The following PDLIM5 variants were observed in gnomAD, a reference collection of about 807,000 sequenced individuals.
PDLIM5 encodes PDZ and LIM domain protein 5.
A neutral mutation model predicts 64.2 loss-of-function variants in PDLIM5; 34 were observed. The ratio of observed to expected loss-of-function variants is 0.53; its 90% CI spans 0.40 to 0.71. The LOEUF is 0.71. Ranked by LOEUF, PDLIM5 falls within the 30% of genes least tolerant of loss-of-function variation. The pLI is 0.00. For missense variants in PDLIM5, 683 were observed against 733.6 expected, an observed-to-expected ratio of 0.93 and a Z score of 0.80; for synonymous variants, 253 against 269.1, an observed-to-expected ratio of 0.94 and a Z score of 0.59.
At chr4:94,598,165 A>G (rs899586949) in intron 7 of PDLIM5, among the ~76,000 whole-genome samples, 30 of 152,194 alleles carry the variant, frequency 2.0e-4, no homozygotes, top group African/African-American at 7.0e-4. Context: ...TGTGAGTACC[A>G]TGAAGCAGGG....
Position 94,585,071 on chromosome 4 carries a change from C to G in PDLIM5, c.711-494C>G, listed in dbSNP as rs907028245. ...TTAACATTATAAGTGCAGTTTTTTA[C>G]TTATAATTTAAAAGGTTTTTTTGTT... On this transcript the variant is annotated intron_variant, in intron 5 of 12. Coordinates refer to ENST00000317968, the MANE Select transcript of PDLIM5 (RefSeq NM_006457.5). 7 of 801,710 alleles carry G rather than the reference C, an allele frequency of 8.7e-6. No homozygotes were observed. The African/African-American group carries it at 1.1e-4, about 12-fold the overall frequency. The allele number at this position is 801,710 out of a possible 1,614,324, so 49.7% of individuals were successfully genotyped here.
At chr4:94,470,580 T>A in intron 2 of PDLIM5, among the ~76,000 whole-genome samples, 1 of 152,222 alleles carries the variant, frequency 6.6e-6, no homozygotes, top group East Asian at 1.9e-4. Context: ...TATGACCCTT[T>A]TATTATTTCT....
At chr4:94,469,893 A>T (rs1301935119) in intron 2 of PDLIM5, among the ~76,000 whole-genome samples, 5 of 151,982 alleles carry the variant, frequency 3.3e-5, no homozygotes, top group African/African-American at 4.8e-5. Context: ...TTATAGTTCT[A>T]ACACATACAT....
intron 8 of PDLIM5, among the ~76,000 whole-genome samples, chr4:94,635,193 G>A (rs1222203286): frequency 1.3e-5 from 2 of 152,058 alleles, no homozygotes; most frequent in African/African-American, 2.4e-5. Context: ...TTCTGGTGGT[G>A]AAATGTATTT....
intron 3 of PDLIM5, among the ~76,000 whole-genome samples, chr4:94,534,790 T>G (rs1731177380): frequency 6.6e-6 from 1 of 152,146 alleles, no homozygotes; most frequent in Non-Finnish European, 1.5e-5. Context: ...GGCAACAAAA[T>G]GGGTGTGACT....
At chr4:94,619,508 C>T (rs1560745208) in intron 8 of PDLIM5, among the ~76,000 whole-genome samples, 1 of 152,006 alleles carries the variant, frequency 6.6e-6, no homozygotes, top group Admixed American at 6.5e-5. Flanking sequence ...GGCATGGTGG[C>T]GGGCGCCTGT....
In PDLIM5 at chr4:94,523,788, A is replaced by G. The variant is rs940867523; in HGVS notation, c.161A>G (p.Asp54Gly). 5.0e-6 allele frequency: 8 copies of G among 1,612,548 alleles called. No individual in the cohort carries two copies. Among genetic ancestry groups the G allele is most frequent in the Non-Finnish European group, 6.8e-6 (8 of 1,178,560 alleles). The change falls in exon 3 of 13, where the codon GAT (aspartate) becomes GGT (glycine). Residue 54 changes from aspartate to glycine, a missense_variant. Asp to Gly is a moderately conservative substitution (Grantham distance 94). Transcript: ENST00000317968. Reference sequence around the variant, plus strand: ...ATAGGCGATGTGGTTCTCAGCATTGATGGAATAAATGCACAAGGAATGACT... The same window carrying G: ...ATAGGCGATGTGGTTCTCAGCATTGGTGGAATAAATGCACAAGGAATGACT... ...VRIGDVVLSI[D>G]GINAQGMTHL...
intron 10 of PDLIM5, among the ~76,000 whole-genome samples, chr4:94,655,468 G>A (rs1742139798): frequency 6.6e-6 from 1 of 152,170 alleles, no homozygotes; most frequent in South Asian, 2.1e-4. Flanking sequence ...TGTTAATTGA[G>A]AGAATAGGTA....
At chr4:94,648,660 G>T (rs7662768) in intron 9 of PDLIM5, among the ~76,000 whole-genome samples, 149,840 of 152,320 alleles carry the variant, frequency 0.98, 73,729 homozygotes, top group East Asian at 1. Context: ...GCTCAGAATC[G>T]CACCAGGCTG....
chr4:94,531,888 A>G (rs985246554), intron 3 of PDLIM5, among the ~76,000 whole-genome samples: 1 of 151,778 alleles, frequency 6.6e-6, no homozygotes, highest in East Asian at 1.9e-4. Context: ...TACCTAAATT[A>G]TTTTCTGTGT....
At chr4:94,563,387 TATGA>T (rs1734007941) in intron 3 of PDLIM5, among the ~76,000 whole-genome samples, 1 of 152,218 alleles carries the variant, frequency 6.6e-6, no homozygotes, top group Non-Finnish European at 1.5e-5. Context: ...CCTTGATTCT[TATGA>T]ATAACTCCAG....
At chr4:94,504,600 A>T (rs1391561563) in intron 2 of PDLIM5, among the ~76,000 whole-genome samples, 1 of 152,016 alleles carries the variant, frequency 6.6e-6, no homozygotes, top group East Asian at 1.9e-4. Context: ...CGCTATTTTC[A>T]TGGAGAAAGA....
intron 3 of PDLIM5, among the ~76,000 whole-genome samples, chr4:94,531,941 G>A (rs919507110): frequency 6.6e-6 from 1 of 151,968 alleles, no homozygotes; most frequent in East Asian, 1.9e-4. Flanking sequence ...GGAAAAAGGG[G>A]GGGAAAGCTT....
intron 7 of PDLIM5, among the ~76,000 whole-genome samples, chr4:94,609,575 A>G (rs1390886972): frequency 6.6e-6 from 1 of 152,170 alleles, no homozygotes; most frequent in Non-Finnish European, 1.5e-5. Context: ...TTATTTTCGC[A>G]AAGGTACTTT....
chr4:94,507,926 T>C (rs1728531532), intron 2 of PDLIM5, among the ~76,000 whole-genome samples: 1 of 152,208 alleles, frequency 6.6e-6, no homozygotes, highest in Non-Finnish European at 1.5e-5. Context: ...CTCCTTGGTA[T>C]GGACTTTGCT....
intron 3 of PDLIM5, among the ~76,000 whole-genome samples, chr4:94,560,200 T>C (rs770395936): frequency 6.6e-6 from 1 of 152,190 alleles, no homozygotes; most frequent in Non-Finnish European, 1.5e-5. Context: ...AAAGGAGTCA[T>C]TGAGTTCACC....
chr4:94,478,602 T>C (rs2126102754), intron 2 of PDLIM5, among the ~76,000 whole-genome samples: 2 of 152,342 alleles, frequency 1.3e-5, no homozygotes, highest in South Asian at 4.1e-4. Flanking sequence ...TTTGATTTTG[T>C]GACTGCTAAT....
At chr4:94,586,957 CTTTT>C (rs70946535) in intron 7 of PDLIM5, 3,767 of 1,186,128 alleles carry the variant, frequency 3.2e-3, no homozygotes, top group South Asian at 5.7e-3. Flanking sequence ...TTCTATCACT[CTTTT>C]TTTTTTTTTT....
chr4:94,556,015 C>T (rs1733271410), intron 3 of PDLIM5, among the ~76,000 whole-genome samples: 1 of 151,808 alleles, frequency 6.6e-6, no homozygotes, highest in Non-Finnish European at 1.5e-5. Flanking sequence ...ATTAACTCGT[C>T]ATTTACATTA....
Sources: allele counts gnomAD v4.1 joint callset (sites outside exome capture counted in the v4.1 genomes callset), GRCh38; gene constraint gnomAD v4.1.1; transcripts MANE v1.5; gene names NCBI Gene and HGNC (gene_info 2026-07-23, HGNC 2026-07-21).